TENM3: variants seen among roughly 807,000 people sequenced by gnomAD.
TENM3 encodes the protein teneurin-3.
In TENM3, 63 loss-of-function variants were observed where a neutral mutation model predicts 255.1. The ratio of observed to expected loss-of-function variants is 0.25; its 90% CI spans 0.20 to 0.30. The LOEUF (loss-of-function observed/expected upper bound fraction) is 0.30. TENM3 is among the 10% of genes least tolerant of loss of function. The pLI is 1.00. For synonymous variants in TENM3, 1,306 were observed against 1,322.3 expected, an observed-to-expected ratio of 0.99 and a Z score of 0.27; for missense variants, 2,929 against 3,461.1, an observed-to-expected ratio of 0.85 and a Z score of 3.86.
intron 6 of TENM3, among the ~76,000 whole-genome samples, chr4:182,660,829 T>C (rs1754165452): frequency 2.0e-5 from 3 of 152,194 alleles, no homozygotes; most frequent in Admixed American, 2.0e-4. Flanking sequence ...ATCACAGCTA[T>C]TGTTTCCAGA....
chr4:182,273,943 C>A (rs1466163779), intron 1 of TENM3, among the ~76,000 whole-genome samples: 1 of 152,174 alleles, frequency 6.6e-6, no homozygotes, highest in Non-Finnish European at 1.5e-5. Flanking sequence ...CCTATTAATG[C>A]TTTAAATAAG....
At chr4:181,800,756 T>G in the TENM3 span, among the ~76,000 whole-genome samples, 2 of 152,284 alleles carry the variant, frequency 1.3e-5, no homozygotes, top group African/African-American at 4.8e-5. Context: ...AGTACCCACC[T>G]CTTAGGGTCA....
At chr4:181,695,191 G>A in the TENM3 span, among the ~76,000 whole-genome samples, 87 of 152,218 alleles carry the variant, frequency 5.7e-4, no homozygotes, top group African/African-American at 1.8e-3. Context: ...AATTGATTAT[G>A]TAATAATCAA....
At chr4:181,987,809 G>A in the TENM3 span, among the ~76,000 whole-genome samples, 564 of 152,172 alleles carry the variant, frequency 3.7e-3, 17 homozygotes, top group South Asian at 0.049. Context: ...CTTTCTGGAT[G>A]AGTGACAATA....
the TENM3 span, among the ~76,000 whole-genome samples, chr4:181,650,771 G>A: frequency 1.3e-5 from 2 of 152,156 alleles, no homozygotes; most frequent in Non-Finnish European, 1.5e-5. Flanking sequence ...AAAAATACCA[G>A]CACATTTAAT....
the TENM3 span, among the ~76,000 whole-genome samples, chr4:181,540,691 C>T: frequency 3.3e-5 from 5 of 152,130 alleles, no homozygotes; most frequent in Non-Finnish European, 7.3e-5. Context: ...CATAGTGAGA[C>T]ATTCTACAAC....
chr4:181,885,532 A>G, the TENM3 span, among the ~76,000 whole-genome samples: 1 of 152,118 alleles, frequency 6.6e-6, no homozygotes, highest in African/African-American at 2.4e-5. Flanking sequence ...AAGTGCTGGA[A>G]TTACAGGGGT....
the TENM3 span, among the ~76,000 whole-genome samples, chr4:181,597,132 T>C: frequency 6.6e-6 from 1 of 152,256 alleles, no homozygotes; most frequent in Non-Finnish European, 1.5e-5. Context: ...AACTTTTGTT[T>C]AAATGTTATT....
In TENM3 at chr4:182,780,784, T is replaced by G. The variant is rs541848635; in HGVS notation, c.5304+5631T>G. 1.5e-4 allele frequency among the ~76,000 whole-genome samples: 23 copies of G among 152,112 alleles called. No homozygotes were observed. In the South Asian group the frequency reaches 1.9e-3, roughly 12 times the overall value. Reference sequence around the variant, plus strand: ...AGAAGTCCTTCACATCCCTTGTAAGTTGGATTCCTAGGTATTTTATTCTGT... The same window carrying G: ...AGAAGTCCTTCACATCCCTTGTAAGGTGGATTCCTAGGTATTTTATTCTGT... On this transcript the variant is annotated intron_variant, in intron 24 of 27. Transcript: ENST00000511685.
At chr4:181,858,268 C>T in the TENM3 span, among the ~76,000 whole-genome samples, 1 of 152,252 alleles carries the variant, frequency 6.6e-6, no homozygotes, top group South Asian at 2.1e-4. Context: ...ATAGGTTTTG[C>T]AAATTCAGCC....
chr4:181,617,306 C>T, the TENM3 span, among the ~76,000 whole-genome samples: 102,211 of 152,090 alleles, frequency 0.67, 34,611 homozygotes, highest in East Asian at 0.73. Flanking sequence ...TAACCAAAAA[C>T]GTTTTAATTC....
At chr4:182,440,757 A>G (rs1330474155) in intron 3 of TENM3, among the ~76,000 whole-genome samples, 4 of 152,106 alleles carry the variant, frequency 2.6e-5, no homozygotes, top group Non-Finnish European at 5.9e-5. Flanking sequence ...AATGGTGACC[A>G]GCTGCTCCTC....
chr4:181,848,501 A>G, the TENM3 span, among the ~76,000 whole-genome samples: 12 of 152,302 alleles, frequency 7.9e-5, no homozygotes, highest in African/African-American at 2.9e-4. Flanking sequence ...TATCCAACTC[A>G]GTTATCATGT....
the TENM3 span, among the ~76,000 whole-genome samples, chr4:181,656,246 C>T: frequency 6.6e-6 from 1 of 152,114 alleles, no homozygotes; most frequent in Non-Finnish European, 1.5e-5. Context: ...AGCTAAGACC[C>T]CACAATGTAG....
the TENM3 span, among the ~76,000 whole-genome samples, chr4:181,590,904 A>G: frequency 1.3e-5 from 2 of 152,246 alleles, no homozygotes; most frequent in Non-Finnish European, 2.9e-5. Flanking sequence ...ATAGAGATGG[A>G]TATGATAGGA....
At chr4:181,474,511 G>A in the TENM3 span, among the ~76,000 whole-genome samples, 490 of 151,914 alleles carry the variant, frequency 3.2e-3, 1 homozygote, top group Non-Finnish European at 3.6e-3. Context: ...CTAGGCAGGC[G>A]AATCATGGGG....
chr4:181,622,003 A>G, the TENM3 span, among the ~76,000 whole-genome samples: 4 of 152,216 alleles, frequency 2.6e-5, no homozygotes, highest in Non-Finnish European at 5.9e-5. Context: ...GGTAAAATCT[A>G]AAAAACCAAG....
chr4:181,476,314 A>T, the TENM3 span, among the ~76,000 whole-genome samples: 1 of 151,836 alleles, frequency 6.6e-6, no homozygotes, highest in South Asian at 2.1e-4. Context: ...CTGGCTCCGA[A>T]TGCAGCAACA....
chr4:182,217,045 CAG>C lies in TENM3; in HGVS notation c.-76+72294_-76+72295del, dbSNP rs1755532105. 4.5e-5 allele frequency among the ~76,000 whole-genome samples: 4 copies of C among 89,010 alleles called. No individual in the cohort carries two copies. In the South Asian group the frequency reaches 1.7e-3, roughly 38 times the overall value. 58.4% of individuals were successfully genotyped at this position (89,010 alleles called of 152,430 possible). On this transcript the variant is annotated intron_variant, in intron 1 of 2. Coordinates refer to the TENM3 transcript ENST00000512480. ...TTTTTTTTTTTTTTTTTTTTTGAGA[CAG>C]AGTCTCACTCTGTCCCAGGCTAGAG... is the stretch of plus-strand genomic sequence containing the variant.
Sources: allele counts gnomAD v4.1 joint callset (sites outside exome capture counted in the v4.1 genomes callset), GRCh38; gene constraint gnomAD v4.1.1; transcripts MANE v1.5; gene names NCBI Gene and HGNC (gene_info 2026-07-23, HGNC 2026-07-21).